The following CAMK1D variants were observed in gnomAD, a reference collection of about 807,000 sequenced individuals.
CAMK1D encodes calcium/calmodulin dependent protein kinase ID.
A neutral mutation model predicts 47.7 loss-of-function variants in CAMK1D; 9 were observed. The observed-to-expected ratio is 0.19, with a 90% confidence interval of 0.11 to 0.33. The LOEUF (loss-of-function observed/expected upper bound fraction) is 0.33. Ranked by LOEUF, CAMK1D falls within the 10% of genes least tolerant of loss-of-function variation. The pLI is 1.00. For synonymous variants in CAMK1D, 184 were observed against 184.9 expected, an observed-to-expected ratio of 0.99 and a Z score of 0.04; for missense variants, 291 against 488.7, an observed-to-expected ratio of 0.60 and a Z score of 3.81.
intron 10 of CAMK1D, among the ~76,000 whole-genome samples, chr10:12,828,513 C>A (rs1410845144): frequency 6.6e-6 from 1 of 151,878 alleles, no homozygotes; most frequent in Non-Finnish European, 1.5e-5. Flanking sequence ...TGGTGGTGAG[C>A]CCCTGTAATC....
At chr10:12,664,498 C>T (rs563573792) in intron 2 of CAMK1D, among the ~76,000 whole-genome samples, 66 of 152,234 alleles carry the variant, frequency 4.3e-4, no homozygotes, top group African/African-American at 1.5e-3. Context: ...TATTGGGGTC[C>T]GCAATGATAG....
intron 2 of CAMK1D, among the ~76,000 whole-genome samples, chr10:12,554,108 T>A (rs1170428275): frequency 6.6e-6 from 1 of 151,782 alleles, no homozygotes; most frequent in African/African-American, 2.4e-5. Flanking sequence ...TTCTTTTTTT[T>A]ATTTCCTTTC....
intron 3 of CAMK1D, among the ~76,000 whole-genome samples, chr10:12,734,463 T>TATGTATATATATAC (rs1564524565): frequency 2.2e-4 from 1 of 4,560 alleles, no homozygotes; most frequent in Non-Finnish European, 7.9e-3. Flanking sequence ...TATATACACA[T>TATGTATATATATAC]ACACATATGT....
chr10:12,513,003 G>A (rs554280886), intron 1 of CAMK1D, among the ~76,000 whole-genome samples: 1 of 152,324 alleles, frequency 6.6e-6, no homozygotes, highest in African/African-American at 2.4e-5. Context: ...GGATGGTGTT[G>A]TCTTTCCCTC....
intron 1 of CAMK1D, among the ~76,000 whole-genome samples, chr10:12,419,324 G>A (rs961272927): frequency 3.3e-5 from 5 of 152,020 alleles, no homozygotes; most frequent in African/African-American, 4.8e-5. Context: ...CTGGGGCCAC[G>A]GAACTCAAAG....
intron 5 of CAMK1D, among the ~76,000 whole-genome samples, chr10:12,789,216 C>T (rs997978096): frequency 3.9e-5 from 6 of 152,024 alleles, no homozygotes; most frequent in Non-Finnish European, 5.9e-5. Context: ...ATTTTTTTGG[C>T]GATTTTTGTT....
At chr10:12,816,740 C>T (rs982284338) in intron 8 of CAMK1D, among the ~76,000 whole-genome samples, 24 of 151,860 alleles carry the variant, frequency 1.6e-4, no homozygotes, top group South Asian at 4.2e-4. Flanking sequence ...GGCATGGTGG[C>T]GCGCGCCTGT....
Position 12,349,953 on chromosome 10 carries a change from A to C in CAMK1D, c.92+43A>C, listed in dbSNP as rs750123177. The C allele has an allele frequency of 4.4e-5, 56 of 1,265,424 alleles. 2 individuals carry two copies. In the South Asian group the frequency reaches 7.1e-4, roughly 16 times the overall value. 78.4% of individuals were successfully genotyped at this position (1,265,424 alleles called of 1,614,324 possible). On this transcript the variant is annotated intron_variant, in intron 1 of 10. Transcript: ENST00000619168. ...AGGCGAGGGTGGAGGTGGCCGCGGC[A>C]GGGGCTGCACGGGCAGCTCCAGCTG...
At chr10:12,755,842 GTATC>G (rs1444840543) in intron 3 of CAMK1D, among the ~76,000 whole-genome samples, 4 of 152,114 alleles carry the variant, frequency 2.6e-5, no homozygotes, top group Non-Finnish European at 5.9e-5. Flanking sequence ...GATTTCAAGA[GTATC>G]TTCCCCTTAG....
intron 1 of CAMK1D, among the ~76,000 whole-genome samples, chr10:12,508,214 C>T (rs1396335319): frequency 6.6e-6 from 1 of 152,224 alleles, no homozygotes; most frequent in Non-Finnish European, 1.5e-5. Context: ...GAAGTAAATG[C>T]ATCGCTATTC....
chr10:12,706,633 A>G (rs1833734962), intron 3 of CAMK1D, among the ~76,000 whole-genome samples: 1 of 152,036 alleles, frequency 6.6e-6, no homozygotes, highest in Non-Finnish European at 1.5e-5. Context: ...GAGGATTATA[A>G]TCATGTGTTT....
At chr10:12,790,794 C>T (rs930787624) in intron 5 of CAMK1D, among the ~76,000 whole-genome samples, 2 of 151,780 alleles carry the variant, frequency 1.3e-5, no homozygotes, top group African/African-American at 4.8e-5. Context: ...AGTTCAAGAC[C>T]AGGCTGGGCA....
chr10:12,555,815 G>A (rs958053120), intron 2 of CAMK1D, among the ~76,000 whole-genome samples: 10 of 152,220 alleles, frequency 6.6e-5, no homozygotes, highest in African/African-American at 2.4e-4. Flanking sequence ...AAGTACAAAA[G>A]GGGAGGAAGT....
intron 1 of CAMK1D, among the ~76,000 whole-genome samples, chr10:12,534,358 C>T (rs1835903129): frequency 6.6e-6 from 1 of 151,778 alleles, no homozygotes; most frequent in African/African-American, 2.4e-5. Context: ...TATAGGCACC[C>T]ACCACCAGAC....
chr10:12,787,824 A>G (rs998350929), intron 5 of CAMK1D, among the ~76,000 whole-genome samples: 3 of 151,920 alleles, frequency 2.0e-5, no homozygotes, highest in Non-Finnish European at 2.9e-5. Flanking sequence ...ACATGGTGAA[A>G]CCCCATCTCT....
intron 3 of CAMK1D, among the ~76,000 whole-genome samples, chr10:12,729,517 A>G (rs549424314): frequency 6.6e-6 from 1 of 152,170 alleles, no homozygotes; most frequent in African/African-American, 2.4e-5. Flanking sequence ...GTGCACTTGT[A>G]GTCCCAGCTA....
chr10:12,419,375 C>T (rs772426341), intron 1 of CAMK1D, among the ~76,000 whole-genome samples: 8 of 152,136 alleles, frequency 5.3e-5, no homozygotes, highest in Non-Finnish European at 1.0e-4. Context: ...CCTGTGAACA[C>T]TGCGCAGTAA....
intron 2 of CAMK1D, among the ~76,000 whole-genome samples, chr10:12,595,344 A>G (rs1020408574): frequency 6.9e-6 from 1 of 145,736 alleles, no homozygotes; most frequent in African/African-American, 2.5e-5. Flanking sequence ...CTCCATCTGA[A>G]AAAAAAAAAA....
At chr10:12,828,213 A>C (rs1833325228) in intron 10 of CAMK1D, among the ~76,000 whole-genome samples, 1 of 152,236 alleles carries the variant, frequency 6.6e-6, no homozygotes, top group Non-Finnish European at 1.5e-5. Flanking sequence ...TGGTGAAACC[A>C]TGTTGTTTTC....
Sources: allele counts gnomAD v4.1 joint callset (sites outside exome capture counted in the v4.1 genomes callset), GRCh38; gene constraint gnomAD v4.1.1; transcripts MANE v1.5; gene names NCBI Gene and HGNC (gene_info 2026-07-23, HGNC 2026-07-21).